TET1: variants seen among roughly 807,000 people sequenced by gnomAD.
The protein encoded by TET1 is methylcytosine dioxygenase TET1.
Under a neutral mutation model 148.7 loss-of-function variants are expected in TET1, and 13 were observed. That is an observed-to-expected ratio of 0.09 (90% CI 0.06 to 0.14). TET1 has a LOEUF of 0.14. Among genes scored for constraint, TET1 ranks in the 10% least tolerant of loss-of-function variants. The pLI is 1.00. For missense variants in TET1, 2,182 were observed against 2,553.8 expected (o/e 0.85, Z 3.14); for synonymous variants, 907 against 937.2 (o/e 0.97, Z 0.59).
At chr10:68,600,330 A>AATGGT (rs975962170) in intron 2 of TET1, among the ~76,000 whole-genome samples, 1 of 152,030 alleles carries the variant, frequency 6.6e-6, no homozygotes, top group Admixed American at 6.6e-5. Flanking sequence ...CCATCGATCC[A>AATGGT]ATGGTGGTGA....
At chr10:68,614,793 C>T (rs2132940102) in intron 3 of TET1, among the ~76,000 whole-genome samples, 1 of 152,174 alleles carries the variant, frequency 6.6e-6, no homozygotes, top group African/African-American at 2.4e-5. Flanking sequence ...AGGGTTTTTT[C>T]ATGTTGCCCA....
rs1564974941 is a variant in TET1, at chr10:68,624,649, T to TTTCC, written c.1969-20046_1969-20045insCTTC. On this transcript the variant is annotated intron_variant, in intron 3 of 11. Transcript: ENST00000373644. ...CTTTCTTTCTTTCTTTCTTTCTTTC[T>TTTCC]TTCTTTCTTTCTCTCTCTCTCTCTC... Among the ~76,000 whole-genome samples, 102 of 55,904 alleles carry TTTCC rather than the reference T, an allele frequency of 1.8e-3. 3 individuals are homozygous for TTTCC. The highest frequency in any genetic ancestry group is 9.6e-3 in the African/African-American group (86 of 8,948). The allele number at this position is 55,904 out of a possible 152,430, so 36.7% of individuals were successfully genotyped here.
At chr10:68,614,996 G>A (rs890441778) in intron 3 of TET1, among the ~76,000 whole-genome samples, 5 of 151,240 alleles carry the variant, frequency 3.3e-5, no homozygotes, top group African/African-American at 9.7e-5. Context: ...CCAACGTGGT[G>A]TGATATCGGC....
At chr10:68,686,825 T>C in intron 11 of TET1, 118 bp downstream of exon 11, 1 of 923,094 alleles carries the variant, frequency 1.1e-6, no homozygotes, top group South Asian at 2.0e-5. Context: ...TTTTTACATA[T>C]ACCAGAACCA....
intron 3 of TET1, among the ~76,000 whole-genome samples, chr10:68,624,646 T>TC (rs2054435863): frequency 1.9e-5 from 1 of 54,030 alleles, no homozygotes; most frequent in South Asian, 6.7e-4. Flanking sequence ...CTTTCTTTCT[T>TC]TCTTTCTTTC....
At position 68,645,653 on chromosome 10, in the gene TET1, C is replaced by T; in HGVS notation, c.2924C>T (p.Thr975Ile). ...CNTVVFNGQT[T>I]TLSNSHINSA... ...ACGGTGGTTTTCAATGGGCAAACTA[C>T]TACCCTTTCCAACTCACATATCAAC... The change falls in exon 4 of 12, where the codon ACT (threonine) becomes ATT (isoleucine). Residue 975 changes from threonine (T) to isoleucine (I), a missense_variant. Physicochemically the swap from Thr to Ile is moderately conservative, Grantham distance 89. Coordinates refer to ENST00000373644, the MANE Select transcript of TET1 (RefSeq NM_030625.3). 6.2e-7 allele frequency: 1 copy of T among 1,614,212 alleles called. No individual in the cohort carries two copies. The highest frequency in any genetic ancestry group is 8.5e-7 in the Non-Finnish European group (1 of 1,180,040).
rs2054819800 is a variant in TET1 at position 68,645,092 on chromosome 10, A to G, written c.2363A>G (p.Asn788Ser). 1 of 1,611,726 alleles carries G rather than the reference A, an allele frequency of 6.2e-7. No individual in the cohort carries two copies. The highest frequency in any genetic ancestry group is 1.3e-5 in the African/African-American group (1 of 74,786). ...NIEEFGKTLE[N>S]NSYKFLKDTA... ...GAAGAATTCGGCAAGACATTGGAAA[A>G]CAATTCTTATAAATTCCTAAAAGAC... is the stretch of plus-strand genomic sequence containing the variant. The change falls in exon 4 of 12, where the codon AAC (asparagine) becomes AGC (serine). Residue 788 changes from asparagine to serine, a missense_variant. Asn to Ser is a conservative substitution (Grantham distance 46). This residue lies in a region of TET1 where 226 missense variants were observed against 307.4 expected (regional missense o/e 0.74). Transcript: ENST00000373644.
intron 2 of TET1, among the ~76,000 whole-genome samples, chr10:68,589,669 T>A (rs1490409602): frequency 3.0e-5 from 2 of 66,458 alleles, no homozygotes; most frequent in African/African-American, 6.6e-5. Context: ...CCAATTTTTT[T>A]TTTTTTTTTT....
intron 7 of TET1, among the ~76,000 whole-genome samples, chr10:68,672,308 A>G (rs942813545): frequency 6.6e-6 from 1 of 151,490 alleles, no homozygotes; most frequent in Non-Finnish European, 1.5e-5. Flanking sequence ...GGCCAACCTG[A>G]TGAAACCCGT....
chr10:68,641,415 A>G (rs1338656515), intron 3 of TET1, among the ~76,000 whole-genome samples: 5 of 152,072 alleles, frequency 3.3e-5, no homozygotes, highest in Non-Finnish European at 5.9e-5. Context: ...GACCTAGGCC[A>G]GTTCACATCT....
chr10:68,628,527 G>A (rs1415881440), intron 3 of TET1, among the ~76,000 whole-genome samples: 1 of 152,192 alleles, frequency 6.6e-6, no homozygotes, highest in Non-Finnish European at 1.5e-5. Context: ...AGTCCAGGAA[G>A]GGATAGCATT....
chr10:68,594,576 C>T (rs10128214), intron 2 of TET1, among the ~76,000 whole-genome samples: 8,056 of 152,160 alleles, frequency 0.053, 482 homozygotes, highest in African/African-American at 0.15. Context: ...GTGGACCAAC[C>T]GCTTACATCC....
intron 4 of TET1, among the ~76,000 whole-genome samples, chr10:68,650,863 A>G (rs2054922062): frequency 6.6e-6 from 1 of 152,208 alleles, no homozygotes; most frequent in African/African-American, 2.4e-5. Context: ...CAAGTGGTGC[A>G]GAAATACGAC....
intron 3 of TET1, among the ~76,000 whole-genome samples, chr10:68,634,234 A>G (rs867998388): frequency 6.6e-6 from 1 of 152,180 alleles, no homozygotes; most frequent in South Asian, 2.1e-4. Flanking sequence ...CATTTTCCCT[A>G]GCAGCTTGCT....
At chr10:68,634,463 T>G (rs1361992722) in intron 3 of TET1, among the ~76,000 whole-genome samples, 1 of 152,224 alleles carries the variant, frequency 6.6e-6, no homozygotes, top group African/African-American at 2.4e-5. Context: ...TCAGTGCATC[T>G]TAGTTAGCAT....
intron 8 of TET1, among the ~76,000 whole-genome samples, chr10:68,676,157 T>TTGTGTGTGTGTGTGTGTGTG (rs112413582): frequency 1.2e-4 from 16 of 129,222 alleles, no homozygotes; most frequent in African/African-American, 4.4e-4. Context: ...ACCTGGCCTT[T>TTGTGTGTGTGTGTGTGTGTG]TGTGTGTGTG....
chr10:68,683,625 G>T (rs2055469056), intron 10 of TET1, among the ~76,000 whole-genome samples: 1 of 152,172 alleles, frequency 6.6e-6, no homozygotes, highest in African/African-American at 2.4e-5. Flanking sequence ...TGTTAGCCAG[G>T]ATGGTCTTGA....
In TET1 at chr10:68,691,829, C is replaced by A; in HGVS notation, c.*15C>A. 6.3e-7 allele frequency: 1 copy of A among 1,591,448 alleles called. No homozygotes were observed. Among genetic ancestry groups the A allele is most frequent in the South Asian group, 1.1e-5 (1 of 88,210 alleles). ...ATTGGGTCTGAAGGCTTTTCTCCCC[C>A]TCTTAATGCCTTTGCTAGTGCAGTG... is the stretch of plus-strand genomic sequence containing the variant. On this transcript the variant is annotated 3_prime_UTR_variant, in exon 12 of 12. Coordinates refer to ENST00000373644, the MANE Select transcript of TET1 (RefSeq NM_030625.3). This position sits in a 1 kb window ranked among gnomAD's most constrained non-coding sequence, Gnocchi z 4.4.
intron 3 of TET1, among the ~76,000 whole-genome samples, chr10:68,602,259 A>T (rs556767381): frequency 3.9e-5 from 6 of 152,332 alleles, no homozygotes; most frequent in African/African-American, 1.4e-4. Context: ...AAGGTAAATT[A>T]AACCCTTTTC....
Sources: gnomAD v4.1 joint callset for allele counts (sites outside exome capture counted in the v4.1 genomes callset) on GRCh38, gnomAD v4.1.1 for gene constraint, gnomAD v4.1.1 regional missense constraint, Gnocchi (gnomAD v3.1) non-coding constraint, MANE v1.5 for transcripts, NCBI Gene and HGNC (gene_info 2026-07-23, HGNC 2026-07-21) for gene names.